DLC1: variants seen among roughly 807,000 people sequenced by gnomAD.
The protein encoded by DLC1 is DLC1 Rho GTPase activating protein.
DLC1 carries 54 observed loss-of-function variants against 140.3 expected under a neutral mutation model. The ratio of observed to expected loss-of-function variants is 0.38; its 90% CI spans 0.31 to 0.48. The LOEUF is 0.48. Ranked by LOEUF, DLC1 falls within the 20% of genes least tolerant of loss-of-function variation. The probability of loss-of-function intolerance (pLI) is 0.96; values close to 1 mark genes in which losing one functional copy is unlikely to be tolerated. For synonymous variants in DLC1, 986 were observed against 728.1 expected, an observed-to-expected ratio of 1.35 and a Z score of -5.70; for missense variants, 2,536 against 1,907.0, an observed-to-expected ratio of 1.33 and a Z score of -6.14.
rs1373755214 is a variant in DLC1 at position 13,115,666 on chromosome 8, GA to G, written c.1349-10del. The G allele has an allele frequency of 1.2e-6, 2 of 1,612,868 alleles. No homozygotes were observed. Among genetic ancestry groups the G allele is most frequent in the African/African-American group, 1.3e-5 (1 of 74,826 alleles). On this transcript the variant is annotated splice_polypyrimidine_tract_variant and intron_variant, in intron 5 of 17. Coordinates refer to ENST00000276297, the MANE Select transcript of DLC1 (RefSeq NM_182643.3). ...TTCCTTGGCTTCAATTTCTAGAACAGAACAGAAGAAAGACAAAATTAGCCAT... is the reference window on the plus strand; with the variant it reads ...TTCCTTGGCTTCAATTTCTAGAACAGACAGAAGAAAGACAAAATTAGCCAT...
At chr8:13,422,434 C>G (rs972344181) in intron 2 of DLC1, among the ~76,000 whole-genome samples, 48 of 151,284 alleles carry the variant, frequency 3.2e-4, no homozygotes, top group African/African-American at 1.1e-3. Context: ...AGTATGTTGT[C>G]TACATAATAT....
At chr8:13,283,615 A>G (rs1831442565) in intron 5 of DLC1, among the ~76,000 whole-genome samples, 3 of 152,184 alleles carry the variant, frequency 2.0e-5, no homozygotes, top group Admixed American at 6.5e-5. Flanking sequence ...CCTGAGCTCA[A>G]GCAATCCTCT....
At chr8:13,282,323 T>C (rs1249029644) in intron 5 of DLC1, among the ~76,000 whole-genome samples, 1 of 152,184 alleles carries the variant, frequency 6.6e-6, no homozygotes, top group Non-Finnish European at 1.5e-5. Context: ...TGAAAATATT[T>C]AGCAGAGAGG....
At chr8:13,439,657 T>A (rs1839272880) in intron 2 of DLC1, among the ~76,000 whole-genome samples, 1 of 152,172 alleles carries the variant, frequency 6.6e-6, no homozygotes, top group Non-Finnish European at 1.5e-5. Flanking sequence ...GTTATTATTC[T>A]CTATTACTTT....
At chr8:13,219,404 T>TATAATTCATATAATTATACTTAC (rs1828431057) in intron 5 of DLC1, among the ~76,000 whole-genome samples, 2 of 146,726 alleles carry the variant, frequency 1.4e-5, no homozygotes, top group African/African-American at 4.9e-5. Flanking sequence ...ATTATACTTA[T>TATAATTCATATAATTATACTTAC]ATAATTCATA....
At chr8:13,323,695 G>A (rs987952074) in intron 4 of DLC1, among the ~76,000 whole-genome samples, 7 of 152,030 alleles carry the variant, frequency 4.6e-5, no homozygotes, top group Non-Finnish European at 8.8e-5. Flanking sequence ...TATGGTATTC[G>A]TGCCCTTTTT....
intron 5 of DLC1, among the ~76,000 whole-genome samples, chr8:13,163,421 G>T (rs146121802): frequency 0.019 from 2,920 of 152,240 alleles, 43 homozygotes; most frequent in Non-Finnish European, 0.028. Context: ...GGAGGCTCCT[G>T]TTCTAGGGTT....
intron 2 of DLC1, among the ~76,000 whole-genome samples, chr8:13,485,554 G>A (rs1295674108): frequency 2.0e-5 from 3 of 152,314 alleles, no homozygotes; most frequent in African/African-American, 2.4e-5. Flanking sequence ...GCAGCAGTTT[G>A]TATGCATCAC....
intron 5 of DLC1, among the ~76,000 whole-genome samples, chr8:13,144,865 C>T (rs1823301599): frequency 6.6e-6 from 1 of 152,136 alleles, no homozygotes; most frequent in Non-Finnish European, 1.5e-5. Flanking sequence ...ATACAGACCC[C>T]TAAGGAAGAA....
intron 1 of DLC1, among the ~76,000 whole-genome samples, chr8:13,524,469 A>G (rs979657786): frequency 6.6e-6 from 1 of 152,076 alleles, no homozygotes; most frequent in African/African-American, 2.4e-5. Context: ...GCTTTTCGCT[A>G]TGTATTTTAA....
intron 2 of DLC1, among the ~76,000 whole-genome samples, chr8:13,468,675 G>T (rs971066831): frequency 7.3e-5 from 11 of 151,154 alleles, no homozygotes; most frequent in African/African-American, 2.7e-4. Context: ...ATGTCAGGCT[G>T]CCACTTTTTA....
rs1232977561 is a variant in DLC1, at chr8:13,084,246, T to A, written c.*1565A>T. On this transcript the variant is annotated 3_prime_UTR_variant, in exon 18 of 18. Coordinates refer to ENST00000276297, the MANE Select transcript of DLC1 (RefSeq NM_182643.3). Reference sequence around the variant, plus strand: ...CATCAAAATTGAATATCCATGTATATCTTCATGAGGAACACTGATATCCAA... The same window carrying A: ...CATCAAAATTGAATATCCATGTATAACTTCATGAGGAACACTGATATCCAA... 1 of 152,594 alleles carries A rather than the reference T, an allele frequency of 6.6e-6. No individual in the cohort carries two copies. Among genetic ancestry groups the A allele is most frequent in the Admixed American group, 6.5e-5 (1 of 15,276 alleles). The allele number at this position is 152,594 out of a possible 1,614,324, so 9.5% of individuals were successfully genotyped here.
chr8:13,237,537 C>G (rs573947296), intron 5 of DLC1, among the ~76,000 whole-genome samples: 1 of 151,884 alleles, frequency 6.6e-6, no homozygotes, highest in South Asian at 2.1e-4. Flanking sequence ...ATGGTGAATT[C>G]TGAGGTTTTG....
At chr8:13,562,913 A>G (rs1323796192) in intron 1 of DLC1, among the ~76,000 whole-genome samples, 2 of 100,438 alleles carry the variant, frequency 2.0e-5, no homozygotes, top group East Asian at 5.7e-4. Flanking sequence ...GAAAAAAACA[A>G]AAAAAAAACG....
chr8:13,553,180 A>G (rs183764320), intron 1 of DLC1, among the ~76,000 whole-genome samples: 1 of 141,858 alleles, frequency 7.0e-6, no homozygotes, highest in East Asian at 2.2e-4. Context: ...AAGTCATTAT[A>G]TTGACAAATA....
At chr8:13,479,212 C>G (rs1416002277) in intron 2 of DLC1, among the ~76,000 whole-genome samples, 9 of 152,106 alleles carry the variant, frequency 5.9e-5, no homozygotes, top group Non-Finnish European at 1.0e-4. Flanking sequence ...TGTTTGTTGA[C>G]TAGGTAACTG....
chr8:13,457,347 C>T (rs769655776), intron 2 of DLC1, among the ~76,000 whole-genome samples: 1 of 151,830 alleles, frequency 6.6e-6, no homozygotes, highest in Non-Finnish European at 1.5e-5. Flanking sequence ...ATTGGTAATG[C>T]CTGGAAAATT....
chr8:13,370,840 A>T (rs922795103), intron 4 of DLC1, among the ~76,000 whole-genome samples: 1 of 151,952 alleles, frequency 6.6e-6, no homozygotes, highest in African/African-American at 2.4e-5. Context: ...TGGTGTTCAA[A>T]CCCTCATTGG....
chr8:13,284,171 G>C (rs1831461451), intron 5 of DLC1, among the ~76,000 whole-genome samples: 1 of 152,088 alleles, frequency 6.6e-6, no homozygotes, highest in South Asian at 2.1e-4. Context: ...CTCAGTAGTG[G>C]GGCTAAATTA....
Sources: allele counts gnomAD v4.1 joint callset (sites outside exome capture counted in the v4.1 genomes callset), GRCh38; gene constraint gnomAD v4.1.1; transcripts MANE v1.5; gene names NCBI Gene and HGNC (gene_info 2026-07-23, HGNC 2026-07-21).